FNDC3A: variants seen among roughly 807,000 people sequenced by gnomAD.
The protein encoded by FNDC3A is fibronectin type-III domain-containing protein 3A.
FNDC3A carries 32 observed loss-of-function variants against 148.9 expected under a neutral mutation model. That is an observed-to-expected ratio of 0.21 (90% CI 0.16 to 0.29). The LOEUF (loss-of-function observed/expected upper bound fraction) is 0.29. FNDC3A is among the 10% of genes least tolerant of loss of function. The pLI, the probability that FNDC3A is intolerant of heterozygous loss-of-function variation, is 1.00. For synonymous variants in FNDC3A, 472 were observed against 473.6 expected, an observed-to-expected ratio of 1.00 and a Z score of 0.04; for missense variants, 1,191 against 1,452.8, an observed-to-expected ratio of 0.82 and a Z score of 2.93.
Position 49,045,118 on chromosome 13 carries a change from TCTTTCC to T in FNDC3A, c.100-30152_100-30147del, listed in dbSNP as rs544891020. Reference sequence around the variant, plus strand: ...CCCTTTGCCTTTCCCTTTCCTTTTTTCTTTCCCTTTCCCTTTCCCTTTCCTTTCCCT... The same window carrying T: ...CCCTTTGCCTTTCCCTTTCCTTTTTTCTTTCCCTTTCCCTTTCCTTTCCCT... On this transcript the variant is annotated intron_variant, in intron 2 of 25. Coordinates refer to ENST00000492622, the MANE Select transcript of FNDC3A (RefSeq NM_001079673.2). 9.9e-4 allele frequency: 186 copies of T among 188,282 alleles called. 5 individuals are homozygous for T. Among genetic ancestry groups the T allele is most frequent in the South Asian group, 6.9e-3 (76 of 10,954 alleles). The allele number at this position is 188,282 out of a possible 1,614,324, so 11.7% of individuals were successfully genotyped here.
intron 25 of FNDC3A, 150 bp from the exon 26 acceptor site, chr13:49,206,931 G>A (rs1886675470): frequency 1.6e-6 from 1 of 621,714 alleles, no homozygotes; most frequent in African/African-American, 1.8e-5. Flanking sequence ...GTACTTTAAT[G>A]GACAGGTATT....
intron 1 of FNDC3A, among the ~76,000 whole-genome samples, chr13:48,986,686 G>A (rs1252749759): frequency 6.6e-6 from 1 of 152,022 alleles, no homozygotes; most frequent in Admixed American, 6.6e-5. Flanking sequence ...GTGAGCCACT[G>A]CGCCTGGCCC....
intron 19 of FNDC3A, among the ~76,000 whole-genome samples, chr13:49,195,148 A>G (rs1205270860): frequency 6.6e-6 from 1 of 152,178 alleles, no homozygotes; most frequent in Non-Finnish European, 1.5e-5. Flanking sequence ...TCATATTTAT[A>G]CTGTAGATTT....
intron 3 of FNDC3A, among the ~76,000 whole-genome samples, chr13:49,108,819 C>T (rs2137858952): frequency 6.6e-6 from 1 of 152,248 alleles, no homozygotes. Flanking sequence ...TCTCGTTTTT[C>T]AGGGCAACCC....
At chr13:48,993,783 G>A (rs1431425723) in intron 1 of FNDC3A, among the ~76,000 whole-genome samples, 1 of 152,104 alleles carries the variant, frequency 6.6e-6, no homozygotes, top group Non-Finnish European at 1.5e-5. Context: ...AGTTATTTCA[G>A]CTTTTCTGTG....
chr13:49,084,860 A>G (rs765454775), intron 3 of FNDC3A, among the ~76,000 whole-genome samples: 13 of 152,164 alleles, frequency 8.5e-5, no homozygotes, highest in Non-Finnish European at 1.6e-4. Flanking sequence ...TTCTGCCAGT[A>G]GGGGTTTATC....
chr13:49,021,320 A>G (rs1466644378), intron 2 of FNDC3A, among the ~76,000 whole-genome samples: 2 of 152,182 alleles, frequency 1.3e-5, no homozygotes, highest in Admixed American at 6.5e-5. Flanking sequence ...TGTTAAACCA[A>G]CTGCCACTGA....
At chr13:49,133,667 G>GTGAGC (rs954177735) in intron 5 of FNDC3A, among the ~76,000 whole-genome samples, 1 of 152,204 alleles carries the variant, frequency 6.6e-6, no homozygotes, top group Non-Finnish European at 1.5e-5. Flanking sequence ...AGTACCATTA[G>GTGAGC]TGAGCCTGAA....
chr13:49,158,834 A>T (rs1200585689), intron 8 of FNDC3A, among the ~76,000 whole-genome samples: 1 of 152,228 alleles, frequency 6.6e-6, no homozygotes, highest in Non-Finnish European at 1.5e-5. Context: ...AGCTTTCTAC[A>T]TATGGCTAGC....
At chr13:49,059,312 T>G (rs1222675643) in intron 2 of FNDC3A, among the ~76,000 whole-genome samples, 2 of 152,194 alleles carry the variant, frequency 1.3e-5, no homozygotes, top group African/African-American at 4.8e-5. Context: ...GATTTGACAG[T>G]GGATTCTTAA....
intron 3 of FNDC3A, among the ~76,000 whole-genome samples, chr13:49,086,748 C>T (rs1289106356): frequency 6.6e-6 from 1 of 152,100 alleles, no homozygotes; most frequent in African/African-American, 2.4e-5. Context: ...GCATAGGTAA[C>T]TATTTTTCAT....
rs76661869 is a variant in FNDC3A, at chr13:49,060,005, A to G, written c.100-15284A>G. Among the ~76,000 whole-genome samples, 1,159 of 152,350 alleles carry G rather than the reference A, an allele frequency of 7.6e-3. 19 individuals carry two copies. Among genetic ancestry groups the G allele is most frequent in the African/African-American group, 0.026 (1,100 of 41,566 alleles). ...AGGATAGATATAATTAAAAAATGGA[A>G]TAACAAACTGGCAAGAATGTAGAAT... On this transcript the variant is annotated intron_variant, in intron 2 of 25. Transcript: ENST00000492622.
Position 49,145,792 on chromosome 13 carries a change from G to A in FNDC3A, c.834G>A (p.Gln278=), listed in dbSNP as rs905752214. 1 of 1,613,630 alleles carries A rather than the reference G, an allele frequency of 6.2e-7. No homozygotes were observed. The highest frequency in any genetic ancestry group is 8.5e-7 in the Non-Finnish European group (1 of 1,179,902). ...NIVKPVASDI[Q]ARTVVLTWSP... ...TATTTTTACAGGCCTCCGACATCCA[G>A]GCAAGGACAGTAGTACTTACCTGGT... is the stretch of plus-strand genomic sequence containing the variant. Residue 278 remains glutamine, a synonymous_variant, in exon 8 of 26, where the codon CAG becomes CAA. Transcript: ENST00000492622.
intron 2 of FNDC3A, among the ~76,000 whole-genome samples, chr13:49,007,355 C>T (rs1952240958): frequency 6.6e-6 from 1 of 152,080 alleles, no homozygotes; most frequent in Non-Finnish European, 1.5e-5. Context: ...CTTATCCCAG[C>T]AATTTCATTC....
intron 20 of FNDC3A, 50 bp from the exon 21 acceptor site, chr13:49,197,675 T>A: frequency 6.5e-7 from 1 of 1,529,196 alleles, no homozygotes. Flanking sequence ...GGCCAAAAGC[T>A]ATTTAATCAA....
At position 49,010,709 on chromosome 13, in the gene FNDC3A, C is replaced by T. The variant is rs147872163; in HGVS notation, c.99+4420C>T. ...AGCCACACTAAGAGATATAATACTG[C>T]CAATACCCTAGAAATTGCTTGTATG... On this transcript the variant is annotated intron_variant, in intron 2 of 25. Transcript: ENST00000492622. Among the ~76,000 whole-genome samples the T allele has an allele frequency of 3.8e-3, 583 of 152,208 alleles. 1 individual carries two copies. Among genetic ancestry groups the T allele is most frequent in the Middle Eastern group, 0.024 (7 of 294 alleles).
chr13:49,163,460 T>G (rs1257131717), intron 8 of FNDC3A, among the ~76,000 whole-genome samples: 2 of 152,202 alleles, frequency 1.3e-5, no homozygotes, highest in East Asian at 3.9e-4. Flanking sequence ...TATAATCTCC[T>G]GGTGTGCCGT....
intron 2 of FNDC3A, among the ~76,000 whole-genome samples, chr13:49,045,205 G>A (rs560468355): frequency 6.7e-6 from 1 of 149,606 alleles, no homozygotes; most frequent in African/African-American, 2.5e-5. Flanking sequence ...TCATGCTCGA[G>A]TGTAGTGGTA....
At chr13:49,199,192 T>G (rs1019333549) in intron 23 of FNDC3A, among the ~76,000 whole-genome samples, 1 of 151,936 alleles carries the variant, frequency 6.6e-6, no homozygotes, top group Non-Finnish European at 1.5e-5. Context: ...GGCTAATTTT[T>G]GTATTTTTAG....
Sources: allele counts gnomAD v4.1 joint callset (sites outside exome capture counted in the v4.1 genomes callset), GRCh38; gene constraint gnomAD v4.1.1; transcripts MANE v1.5; gene names NCBI Gene and HGNC (gene_info 2026-07-23, HGNC 2026-07-21).